The following ACYP1 variants were observed in gnomAD, a reference collection of about 807,000 sequenced individuals.
ACYP1 encodes acylphosphatase-1.
Under a neutral mutation model 10.4 loss-of-function variants are expected in ACYP1, and 8 were observed. The observed-to-expected ratio is 0.77, with a 90% confidence interval of 0.45 to 1.38. ACYP1 has a LOEUF of 1.38. Among genes scored for constraint, ACYP1 ranks in the 40% most tolerant of loss-of-function variants. The pLI is 0.00. For synonymous variants in ACYP1, 38 were observed against 40.8 expected (o/e 0.93, Z 0.26); for missense variants, 93 against 117.3 (o/e 0.79, Z 0.96).
At chr14:75,053,684 G>T in intron 2 of ACYP1, 25 bp from the exon 3 acceptor site, 1 of 1,597,176 alleles carries the variant, frequency 6.3e-7, no homozygotes. Flanking sequence ...AAGAGAGAGA[G>T]ATCCAGTGAG....
At chr14:75,067,819 C>A (rs1893172414), upstream of ACYP1, among the ~76,000 whole-genome samples, 1 of 151,320 alleles carries the variant, frequency 6.6e-6, no homozygotes, top group African/African-American at 2.4e-5. Context: ...CAAAGGGAGA[C>A]CCTGTCTCTA....
In ACYP1 at chr14:75,056,455, C is replaced by CT. The variant is rs142614619; in HGVS notation, c.85-2797dup. Among the ~76,000 whole-genome samples, 1,289 of 151,218 alleles carry CT rather than the reference C, an allele frequency of 8.5e-3. 55 individuals are homozygous for CT. Among genetic ancestry groups the CT allele is most frequent in the African/African-American group, 0.028 (1,164 of 40,870 alleles). ...ATGTGAATTGTCAATACCTCTTTTC[C>CT]TTTTTCTTTTTTTTTTCTGAAGGAT... On this transcript the variant is annotated intron_variant, in intron 2 of 2. Coordinates refer to ENST00000238618, the MANE Select transcript of ACYP1 (RefSeq NM_001107.5).
At chr14:75,066,809 G>A (rs1267543523), upstream of ACYP1, among the ~76,000 whole-genome samples, 2 of 152,054 alleles carry the variant, frequency 1.3e-5, no homozygotes, top group African/African-American at 4.8e-5. Flanking sequence ...CTGAGATCGC[G>A]CCACTCCACC....
At chr14:75,059,424 G>A (rs1892965116) in intron 2 of ACYP1, among the ~76,000 whole-genome samples, 1 of 152,044 alleles carries the variant, frequency 6.6e-6, no homozygotes, top group Non-Finnish European at 1.5e-5. Flanking sequence ...CACTAAAAGT[G>A]CAAGCAAAAA....
chr14:75,067,686 A>G (rs57223041), upstream of ACYP1, among the ~76,000 whole-genome samples: 2,697 of 152,288 alleles, frequency 0.018, 87 homozygotes, highest in African/African-American at 0.063. Context: ...ATGGAGAGGT[A>G]TAACTTGAAG....
upstream of ACYP1, among the ~76,000 whole-genome samples, chr14:75,066,496 AAGG>A (rs1289315099): frequency 6.6e-6 from 1 of 152,184 alleles, no homozygotes. Context: ...ATGCCATCCC[AAGG>A]AGAAGTGAGG....
chr14:75,063,411 G>C (rs753324785), intron 2 of ACYP1, 59 bp downstream of exon 2: 1 of 1,413,346 alleles, frequency 7.1e-7, no homozygotes, highest in South Asian at 1.2e-5. Context: ...TCAAGAACAC[G>C]TCCCTTGTTC....
upstream of ACYP1, chr14:75,064,163 G>T: frequency 2.6e-6 from 1 of 390,920 alleles, no homozygotes; most frequent in Non-Finnish European, 3.5e-6. Flanking sequence ...CGGTTGTCCG[G>T]CAACCCAAAA....
At chr14:75,068,930 T>C (rs1893218518), upstream of ACYP1, among the ~76,000 whole-genome samples, 1 of 152,190 alleles carries the variant, frequency 6.6e-6, no homozygotes, top group Non-Finnish European at 1.5e-5. Flanking sequence ...GAACTTTCTT[T>C]TGATGTCAAC....
upstream of ACYP1, among the ~76,000 whole-genome samples, chr14:75,066,332 C>G (rs1346834523): frequency 6.6e-6 from 1 of 152,064 alleles, no homozygotes; most frequent in Non-Finnish European, 1.5e-5. Context: ...TCACTTTGTA[C>G]ACTGCAAATA....
intron 2 of ACYP1, among the ~76,000 whole-genome samples, chr14:75,057,991 A>AAAAAC (rs1248077503): frequency 6.8e-6 from 1 of 147,502 alleles, no homozygotes; most frequent in East Asian, 2.0e-4. Flanking sequence ...AAAAAAAAGA[A>AAAAAC]CTACCTGCTG....
chr14:75,053,363 A>G lies in ACYP1; in HGVS notation c.*81T>C, dbSNP rs551402589. On this transcript the variant is annotated 3_prime_UTR_variant, in exon 3 of 3. Transcript: ENST00000238618. ...AAATAACTTATTGACTAATGCTAAT[A>G]TTAACACACAATAGTTCTATCTCTA... is the stretch of plus-strand genomic sequence containing the variant. 3.9e-6 allele frequency: 5 copies of G among 1,282,288 alleles called. No homozygotes were observed. In the African/African-American group the frequency reaches 5.9e-5, roughly 15 times the overall value. 79.4% of individuals were successfully genotyped at this position (1,282,288 alleles called of 1,614,324 possible).
intron 2 of ACYP1, among the ~76,000 whole-genome samples, chr14:75,061,458 A>G (rs767746489): frequency 6.6e-6 from 1 of 152,256 alleles, no homozygotes; most frequent in Non-Finnish European, 1.5e-5. Flanking sequence ...TATAAATAGT[A>G]AAGAATAAGC....
intron 1 of ACYP1, among the ~76,000 whole-genome samples, chr14:75,069,025 C>CTGAG (rs1298111120): frequency 6.6e-6 from 1 of 152,166 alleles, no homozygotes; most frequent in Non-Finnish European, 1.5e-5. Flanking sequence ...TTACATTTGG[C>CTGAG]TGAGTCATTC....
intron 2 of ACYP1, among the ~76,000 whole-genome samples, chr14:75,055,232 G>T (rs139099209): frequency 6.6e-6 from 1 of 150,738 alleles, no homozygotes; most frequent in East Asian, 1.9e-4. Context: ...GACCACAGGC[G>T]CCCGCAACCA....
intron 2 of ACYP1, 28 bp from the exon 3 acceptor site, chr14:75,053,687 C>A: frequency 6.3e-7 from 1 of 1,596,970 alleles, no homozygotes; most frequent in South Asian, 1.1e-5. Context: ...AGAGAGAGAT[C>A]CAGTGAGATT....
chr14:75,069,245 A>C (rs1214380414), exon 1 of ACYP1: 1 of 1,502,014 alleles, frequency 6.7e-7, no homozygotes. Context: ...CGCGCGGAGA[A>C]AGGCCAGCAG....
intron 2 of ACYP1, among the ~76,000 whole-genome samples, chr14:75,058,504 C>A (rs371348455): frequency 2.6e-5 from 4 of 151,218 alleles, no homozygotes; most frequent in Admixed American, 6.6e-5. Context: ...TAGAGTAAGA[C>A]TTCATTGACC....
upstream of ACYP1, among the ~76,000 whole-genome samples, chr14:75,065,389 T>A (rs1893125967): frequency 1.3e-5 from 2 of 152,212 alleles, no homozygotes; most frequent in East Asian, 3.8e-4. Flanking sequence ...TAGAGAATCA[T>A]ACAACCTTAG....
Sources: allele counts gnomAD v4.1 joint callset (sites outside exome capture counted in the v4.1 genomes callset), GRCh38; gene constraint gnomAD v4.1.1; transcripts MANE v1.5; gene names NCBI Gene and HGNC (gene_info 2026-07-23, HGNC 2026-07-21).